VPS37A: variants seen among roughly 807,000 people sequenced by gnomAD.
VPS37A encodes the protein vacuolar protein sorting-associated protein 37A.
VPS37A carries 30 observed loss-of-function variants against 49.8 expected under a neutral mutation model. That is an observed-to-expected ratio of 0.60 (90% CI 0.45 to 0.82). The LOEUF (loss-of-function observed/expected upper bound fraction) is 0.82, where lower values mean the gene tolerates loss of function less well. Ranked by LOEUF, VPS37A falls within the 40% of genes least tolerant of loss-of-function variation. The pLI is 0.00. For synonymous variants in VPS37A, 195 were observed against 160.6 expected (o/e 1.21, Z -1.62); for missense variants, 593 against 464.4 (o/e 1.28, Z -2.55).
At chr8:17,309,000 G>C in the VPS37A span, among the ~76,000 whole-genome samples, 1 of 152,234 alleles carries the variant, frequency 6.6e-6, no homozygotes, top group African/African-American at 2.4e-5. Context: ...CAAATGGCAG[G>C]AGGAAGGGAA....
At chr8:17,332,501 A>AC in the VPS37A span, among the ~76,000 whole-genome samples, 1 of 152,224 alleles carries the variant, frequency 6.6e-6, no homozygotes, top group African/African-American at 2.4e-5. Flanking sequence ...CAGATCACAC[A>AC]GCAGACAGAC....
At chr8:17,308,678 G>A in the VPS37A span, among the ~76,000 whole-genome samples, 13 of 152,156 alleles carry the variant, frequency 8.5e-5, no homozygotes, top group Admixed American at 2.6e-4. Flanking sequence ...CATCAACACT[G>A]ACAAAAGGAG....
At chr8:17,307,829 C>G in the VPS37A span, among the ~76,000 whole-genome samples, 2 of 149,332 alleles carry the variant, frequency 1.3e-5, no homozygotes, top group Admixed American at 1.4e-4. Flanking sequence ...TAGGTGGGAA[C>G]TGAACAATGA....
Position 17,247,367 on chromosome 8 carries a change from C to T in VPS37A, c.123C>T (p.Ser41=). 4 of 1,307,548 alleles carry T rather than the reference C, an allele frequency of 3.1e-6. No homozygotes were observed. Among genetic ancestry groups the T allele is most frequent in the Non-Finnish European group, 3.0e-6 (3 of 1,000,466 alleles). 81.0% of individuals were successfully genotyped at this position (1,307,548 alleles called of 1,614,324 possible). A position where few individuals can be genotyped will look rare whatever the true frequency, so the allele number is the denominator to read the frequency against. ...TCGAGTCCCTCCGGAACTCACACTC[C>T]AGGTGACTGGTCGCTGCCTCTCCAC... ...RLIESLRNSH[S]SIAEIQKDVE... Residue 41 remains serine (S), a splice_region_variant and synonymous_variant, in exon 1 of 12, where the codon TCC becomes TCT. Coordinates refer to ENST00000324849, the MANE Select transcript of VPS37A (RefSeq NM_152415.3).
At chr8:17,294,843 C>G (rs553232813) in intron 11 of VPS37A, 144 bp from the exon 12 acceptor site, 1 of 152,350 alleles carries the variant, frequency 6.6e-6, no homozygotes, top group African/African-American at 2.4e-5. Context: ...GTTGGTCTCC[C>G]TGGGAGCTGC....
chr8:17,289,578 T>C (rs1470456734), intron 11 of VPS37A, among the ~76,000 whole-genome samples: 1 of 152,206 alleles, frequency 6.6e-6, no homozygotes, highest in East Asian at 1.9e-4. Flanking sequence ...TTGGTACCAG[T>C]ACCGTGCTGT....
chr8:17,299,695 G>C, downstream of VPS37A: 1 of 832,412 alleles, frequency 1.2e-6, no homozygotes, highest in Non-Finnish European at 1.8e-6. Flanking sequence ...GTCCTCTTCA[G>C]TATCTAAGAA....
Position 17,295,225 on chromosome 8 carries a change from T to G in VPS37A, c.*239T>G. Reference sequence around the variant, plus strand: ...TATTTATTGTTGATAAATTGTATCATATTTAAGTTCCACTGCTGTTCCTCT... The same window carrying G: ...TATTTATTGTTGATAAATTGTATCAGATTTAAGTTCCACTGCTGTTCCTCT... On this transcript the variant is annotated 3_prime_UTR_variant, in exon 12 of 12. Transcript: ENST00000324849. 1 of 152,816 alleles carries G rather than the reference T, an allele frequency of 6.5e-6. No homozygotes were observed. Among genetic ancestry groups the G allele is most frequent in the Non-Finnish European group, 1.5e-5 (1 of 68,042 alleles). 9.5% of individuals were successfully genotyped at this position (152,816 alleles called of 1,614,324 possible).
At chr8:17,257,838 C>T (rs1238845182) in intron 1 of VPS37A, among the ~76,000 whole-genome samples, 3 of 151,942 alleles carry the variant, frequency 2.0e-5, no homozygotes, top group Non-Finnish European at 2.9e-5. Flanking sequence ...TATAGTTTTC[C>T]TTGTTTAGAT....
At position 17,297,862 on chromosome 8, in the gene VPS37A, G is replaced by A. The variant is rs961697655; in HGVS notation, c.*2876G>A. 1.3e-5 allele frequency: 2 copies of A among 151,898 alleles called. No individual in the cohort carries two copies. The highest frequency in any genetic ancestry group is 3.9e-4 in the East Asian group (2 of 5,192). The allele number at this position is 151,898 out of a possible 1,614,324, so 9.4% of individuals were successfully genotyped here. On this transcript the variant is annotated 3_prime_UTR_variant, in exon 12 of 12. Transcript: ENST00000324849. ...CTAGGTTAACTTCTAATAAGCAGACGAACATGTTACATAAATTATAATGTC... is the reference window on the plus strand; with the variant it reads ...CTAGGTTAACTTCTAATAAGCAGACAAACATGTTACATAAATTATAATGTC...
chr8:17,287,133 T>A (rs1366524079), intron 11 of VPS37A, among the ~76,000 whole-genome samples: 2 of 152,232 alleles, frequency 1.3e-5, no homozygotes, highest in African/African-American at 4.8e-5. Context: ...TAAGATGCCT[T>A]TCCTTTTCCT....
chr8:17,286,594 A>G, intron 11 of VPS37A, 167 bp downstream of exon 11: 1 of 536,202 alleles, frequency 1.9e-6, no homozygotes, highest in Non-Finnish European at 3.2e-6. Context: ...CATAATATAA[A>G]CATATAACTA....
In VPS37A at chr8:17,295,708, A is replaced by ATATC. The variant is rs1186185224; in HGVS notation, c.*724_*727dup. The ATATC allele has an allele frequency of 6.6e-6, 1 of 152,300 alleles. No individual in the cohort carries two copies. Among genetic ancestry groups the ATATC allele is most frequent in the Non-Finnish European group, 1.5e-5 (1 of 68,010 alleles). The allele number at this position is 152,300 out of a possible 1,614,324, so 9.4% of individuals were successfully genotyped here. A position where few individuals can be genotyped will look rare whatever the true frequency, so the allele number is the denominator to read the frequency against. ...TCTTATGCTAATTTAAAACATATAT[A>ATATC]TATCTGGTAGGTTTGTGGTTGGATA... On this transcript the variant is annotated 3_prime_UTR_variant, in exon 12 of 12. Transcript: ENST00000324849.
the VPS37A span, among the ~76,000 whole-genome samples, chr8:17,325,786 T>C: frequency 2.0e-5 from 3 of 152,242 alleles, no homozygotes; most frequent in Non-Finnish European, 4.4e-5. Flanking sequence ...GTGCTCTTAC[T>C]TCATGTCTTT....
intron 4 of VPS37A, among the ~76,000 whole-genome samples, chr8:17,272,476 C>T (rs910290685): frequency 4.6e-5 from 7 of 152,086 alleles, no homozygotes; most frequent in African/African-American, 1.2e-4. Flanking sequence ...AAATACAAAC[C>T]GACAAGTTTA....
chr8:17,280,921 A>G (rs898039641), intron 9 of VPS37A, among the ~76,000 whole-genome samples: 15 of 151,808 alleles, frequency 9.9e-5, no homozygotes, highest in Admixed American at 3.3e-4. Context: ...TATATTTCTG[A>G]AAAAAAAGGA....
At chr8:17,280,335 T>G in intron 8 of VPS37A, 38 bp downstream of exon 8, 1 of 1,603,010 alleles carries the variant, frequency 6.2e-7, no homozygotes, top group Non-Finnish European at 8.5e-7. Context: ...TTACATAATT[T>G]AAAAATAGAA....
At chr8:17,272,831 A>T (rs1814123807) in intron 4 of VPS37A, among the ~76,000 whole-genome samples, 1 of 134,990 alleles carries the variant, frequency 7.4e-6, no homozygotes, top group African/African-American at 3.1e-5. Flanking sequence ...AGTATAAAGG[A>T]GTATAGAGTG....
At chr8:17,270,024 G>A (rs1228145326) in intron 4 of VPS37A, among the ~76,000 whole-genome samples, 1 of 152,128 alleles carries the variant, frequency 6.6e-6, no homozygotes, top group Non-Finnish European at 1.5e-5. Context: ...CACATTACAT[G>A]ATGAGAGCAA....
Sources: allele counts gnomAD v4.1 joint callset (sites outside exome capture counted in the v4.1 genomes callset), GRCh38; gene constraint gnomAD v4.1.1; transcripts MANE v1.5; gene names NCBI Gene and HGNC (gene_info 2026-07-23, HGNC 2026-07-21).